Variants in BFAR observed in about 807,000 individuals in gnomAD.
BFAR encodes the protein RING finger protein 47.
A neutral mutation model predicts 54.4 loss-of-function variants in BFAR; 52 were observed. That is an observed-to-expected ratio of 0.96 (90% CI 0.77 to 1.21). The LOEUF (loss-of-function observed/expected upper bound fraction) is 1.21. Ranked by LOEUF, BFAR falls within the 50% of genes most tolerant of loss-of-function variation. The pLI, the probability that BFAR is intolerant of heterozygous loss-of-function variation, is 0.00. For missense variants in BFAR, 571 were observed against 534.0 expected (o/e 1.07, Z -0.68); for synonymous variants, 215 against 204.3 (o/e 1.05, Z -0.45).
chr16:14,639,784 A>G (rs551238532), intron 1 of BFAR, among the ~76,000 whole-genome samples: 2 of 152,340 alleles, frequency 1.3e-5, no homozygotes, highest in African/African-American at 4.8e-5. Context: ...GGAATTGTCC[A>G]GATCCTCAGA....
At chr16:14,638,866 A>T (rs1203256867) in intron 1 of BFAR, among the ~76,000 whole-genome samples, 1 of 151,978 alleles carries the variant, frequency 6.6e-6, no homozygotes, top group African/African-American at 2.4e-5. Context: ...AATTGCTTGA[A>T]TCCAGGAGGC....
In BFAR at chr16:14,662,103, T is replaced by A. The variant is rs577448007; in HGVS notation, c.957+38T>A. 4.5e-5 allele frequency: 72 copies of A among 1,606,334 alleles called. 2 individuals carry two copies. In the South Asian group the frequency reaches 7.5e-4, roughly 17 times the overall value. The stretch of plus-strand genomic sequence containing the variant: ...AGTGCCTGGAATAAAGTTATTCCAC[T>A]GTCAAGTTATTTGCAGAGATTGCTA... On this transcript the variant is annotated intron_variant, in intron 6 of 7. Transcript: ENST00000261658.
chr16:14,644,356 C>G lies in BFAR; in HGVS notation c.10C>G (p.Pro4Ala), dbSNP rs147018669. Reference sequence around the variant, plus strand: ...CAGAATTTGCTAAGAGATGGAGGAACCTCAGAAAAGCTATGTGAACACAAT... The same window carrying G: ...CAGAATTTGCTAAGAGATGGAGGAAGCTCAGAAAAGCTATGTGAACACAAT... MEE[P>A]QKSYVNTMDL... Residue 4 changes from proline to alanine, a missense_variant, in exon 2 of 8, where the codon CCT becomes GCT. Pro to Ala is a conservative substitution (Grantham distance 27). Coordinates refer to ENST00000261658, the MANE Select transcript of BFAR (RefSeq NM_016561.3). 8.7e-6 allele frequency: 14 copies of G among 1,613,008 alleles called. No individual in the cohort carries two copies. The highest frequency in any genetic ancestry group is 1.1e-5 in the Non-Finnish European group (13 of 1,179,364).
chr16:14,648,688 A>C, intron 3 of BFAR, 96 bp downstream of exon 3: 2 of 865,664 alleles, frequency 2.3e-6, no homozygotes, highest in Non-Finnish European at 3.7e-6. Flanking sequence ...CACTGAAATA[A>C]TTGATGATGT....
intron 2 of BFAR, among the ~76,000 whole-genome samples, chr16:14,645,533 T>C (rs183057484): frequency 6.6e-6 from 1 of 152,286 alleles, no homozygotes; most frequent in Admixed American, 6.6e-5. Flanking sequence ...CTCTGAGGCT[T>C]AAATCCTCTT....
chr16:14,668,713 G>C lies in BFAR; in HGVS notation c.*886G>C, dbSNP rs1251665253. 6.4e-6 allele frequency: 1 copy of C among 156,044 alleles called. No individual in the cohort carries two copies. The highest frequency in any genetic ancestry group is 1.4e-5 in the Non-Finnish European group (1 of 70,730). The allele number at this position is 156,044 out of a possible 1,614,324, so 9.7% of individuals were successfully genotyped here. A position where few individuals can be genotyped will look rare whatever the true frequency, so the allele number is the denominator to read the frequency against. On this transcript the variant is annotated 3_prime_UTR_variant, in exon 8 of 8. Transcript: ENST00000261658. ...ATACAAAAATTAGCCAAGTGTGATG[G>C]CACATACCTGTAATCCCAGCTACTT...
intron 3 of BFAR, among the ~76,000 whole-genome samples, chr16:14,649,288 C>G (rs1381464727): frequency 1.3e-5 from 2 of 152,038 alleles, no homozygotes; most frequent in Admixed American, 1.3e-4. Context: ...GTTGGCCAGG[C>G]TGGTCTGGAA....
intron 2 of BFAR, among the ~76,000 whole-genome samples, chr16:14,645,274 C>T (rs1959758106): frequency 6.6e-6 from 1 of 151,920 alleles, no homozygotes; most frequent in Admixed American, 6.6e-5. Context: ...CACACCACTA[C>T]ACTCCAGCCT....
intron 4 of BFAR, 81 bp downstream of exon 4, chr16:14,650,054 G>A (rs1959924776): frequency 1.4e-6 from 2 of 1,413,096 alleles, no homozygotes; most frequent in East Asian, 5.0e-5. Flanking sequence ...CAGGCGCGGT[G>A]GCTCACACCT....
intron 4 of BFAR, chr16:14,650,700 C>A (rs1339007559): frequency 6.6e-6 from 1 of 152,154 alleles, no homozygotes; most frequent in Admixed American, 6.6e-5. Flanking sequence ...AGTAATAATT[C>A]TACTGTAAGA....
chr16:14,662,230 G>A (rs1005885585), intron 6 of BFAR, among the ~76,000 whole-genome samples, 165 bp downstream of exon 6: 1 of 152,104 alleles, frequency 6.6e-6, no homozygotes, highest in Non-Finnish European at 1.5e-5. Context: ...TTCTCTTGGG[G>A]CCAGTACTTC....
intron 4 of BFAR, among the ~76,000 whole-genome samples, chr16:14,651,925 C>A (rs1959981308): frequency 7.0e-6 from 1 of 142,210 alleles, no homozygotes; most frequent in African/African-American, 2.6e-5. Flanking sequence ...CTCGCTCTGT[C>A]CTTCAGGCTG....
intron 4 of BFAR, among the ~76,000 whole-genome samples, chr16:14,651,989 C>T (rs569938494): frequency 4.1e-5 from 6 of 146,470 alleles, no homozygotes; most frequent in Non-Finnish European, 7.5e-5. Flanking sequence ...TGGGTTCAAG[C>T]GATTCTCCTG....
chr16:14,662,838 C>T (rs1431837881), intron 6 of BFAR, among the ~76,000 whole-genome samples: 4 of 152,134 alleles, frequency 2.6e-5, no homozygotes, highest in African/African-American at 7.2e-5. Flanking sequence ...TGTCCGGGAG[C>T]GTCGGCAAGA....
Position 14,649,826 on chromosome 16 carries a change from G to A in BFAR, c.491G>A (p.Trp164Ter). ...GVAVVLLVYH[W>*]SSRESEHDLL... The stretch of plus-strand genomic sequence containing the variant: ...CAGGTGGTCCTGCTCGTCTATCACT[G>A]GAGCAGCAGGGAATCTGAACACGAC... Residue 164 changes from tryptophan (W) to a stop codon, truncating the protein, a stop_gained, in exon 4 of 8, where the codon TGG becomes TAG. Transcript: ENST00000261658. LOFTEE classifies it high-confidence loss of function. The A allele has an allele frequency of 3.7e-6, 6 of 1,608,786 alleles. No homozygotes were observed. Among genetic ancestry groups the A allele is most frequent in the Non-Finnish European group, 4.2e-6 (5 of 1,176,776 alleles).
intron 1 of BFAR, among the ~76,000 whole-genome samples, chr16:14,639,186 C>CCAGGCTGG (rs1262229610): frequency 6.6e-6 from 1 of 152,058 alleles, no homozygotes; most frequent in Non-Finnish European, 1.5e-5. Flanking sequence ...ACCATGTTGC[C>CCAGGCTGG]CAGGCTGGCA....
chr16:14,644,162 CAAAAAAA>C, intron 1 of BFAR, 105 bp from the exon 2 acceptor site: 1 of 503,220 alleles, frequency 2.0e-6, no homozygotes, highest in Middle Eastern at 5.4e-4. Flanking sequence ...GACTGTGTCT[CAAAAAAA>C]AAAAAAAAAA....
chr16:14,652,589 T>G (rs923457305), intron 4 of BFAR, among the ~76,000 whole-genome samples: 1 of 152,076 alleles, frequency 6.6e-6, no homozygotes, highest in African/African-American at 2.4e-5. Context: ...CAAATATATA[T>G]TTTTATTTTT....
At chr16:14,644,633 G>A (rs771290548) in intron 2 of BFAR, 24 bp downstream of exon 2, 1 of 1,592,400 alleles carries the variant, frequency 6.3e-7, no homozygotes. Context: ...TATATTGGTA[G>A]CACAAACAGC....
Sources: allele counts gnomAD v4.1 joint callset (sites outside exome capture counted in the v4.1 genomes callset), GRCh38; gene constraint gnomAD v4.1.1; transcripts MANE v1.5; gene names NCBI Gene and HGNC (gene_info 2026-07-23, HGNC 2026-07-21).